SHPRH: variants seen among roughly 807,000 people sequenced by gnomAD.
SHPRH encodes the protein SNF2 histone linker PHD RING helicase.
In SHPRH, 106 loss-of-function variants were observed where a neutral mutation model predicts 202.5. The observed-to-expected ratio is 0.52, with a 90% CI of 0.45 to 0.62. The LOEUF (loss-of-function observed/expected upper bound fraction) is 0.62. SHPRH is among the 20% of genes least tolerant of loss of function. SHPRH has a pLI of 0.00. For synonymous variants in SHPRH, 729 were observed against 686.0 expected (o/e 1.06, Z -0.98); for missense variants, 1,710 against 2,020.0 (o/e 0.85, Z 2.94).
intron 11 of SHPRH, 36 bp from the exon 12 acceptor site, chr6:145,935,477 CTATTACTTCATTACTAGT>C (rs763981359): frequency 1.2e-6 from 2 of 1,600,748 alleles, no homozygotes; most frequent in Non-Finnish European, 1.7e-6. Flanking sequence ...GAGGATAACT[CTATTACTTCATTACTAGT>C]TTGCAGAAGC....
At chr6:145,940,172 T>C (rs1786594101) in intron 11 of SHPRH, among the ~76,000 whole-genome samples, 1 of 152,074 alleles carries the variant, frequency 6.6e-6, no homozygotes, top group Non-Finnish European at 1.5e-5. Context: ...ACAATCTAAA[T>C]GCTCAAGTAA....
At chr6:145,902,492 A>G (rs183429004) in intron 25 of SHPRH, among the ~76,000 whole-genome samples, 92 of 152,264 alleles carry the variant, frequency 6.0e-4, no homozygotes, top group African/African-American at 2.1e-3. Context: ...TAAATTCAGT[A>G]GACTGAAAAA....
rs1277048314 is a variant in SHPRH at position 145,932,194 on chromosome 6, A to G, written c.3112+863T>C. ...CTTCACTCTTGAATCTATGGAATAC[A>G]GTTTTAATGTTTCTCATATTTATAT... is the stretch of plus-strand genomic sequence containing the variant. On this transcript the variant is annotated intron_variant, in intron 14 of 29. Coordinates refer to ENST00000275233, the MANE Select transcript of SHPRH (RefSeq NM_001042683.3). 3.3e-5 allele frequency among the ~76,000 whole-genome samples: 5 copies of G among 152,264 alleles called. No individual in the cohort carries two copies. The East Asian group carries it at 9.7e-4, about 29-fold the overall frequency.
downstream of SHPRH, among the ~76,000 whole-genome samples, chr6:145,860,414 TA>T (rs894753208): frequency 1.3e-5 from 2 of 151,962 alleles, no homozygotes; most frequent in African/African-American, 2.4e-5. Context: ...TCTAAAAGAA[TA>T]AAGTACTTAG....
chr6:145,945,177 A>G (rs1462737452), intron 8 of SHPRH, among the ~76,000 whole-genome samples: 2 of 152,206 alleles, frequency 1.3e-5, no homozygotes, highest in African/African-American at 2.4e-5. Flanking sequence ...ATTATTCTCT[A>G]GGTTTAATGA....
Position 145,913,563 on chromosome 6 carries a change from A to G in SHPRH, c.4255-14T>C, listed in dbSNP as rs2128740670. On this transcript the variant is annotated splice_polypyrimidine_tract_variant and intron_variant, in intron 23 of 29. Coordinates refer to ENST00000275233, the MANE Select transcript of SHPRH (RefSeq NM_001042683.3). Reference sequence around the variant, plus strand: ...TTTATCTTGAGACTATCCAAAAAAGAATTAAAAAATATATTAGTTACGTTT... The same window carrying G: ...TTTATCTTGAGACTATCCAAAAAAGGATTAAAAAATATATTAGTTACGTTT... 1.3e-6 allele frequency: 2 copies of G among 1,595,980 alleles called. No homozygotes were observed. Among genetic ancestry groups the G allele is most frequent in the East Asian group, 2.2e-5 (1 of 44,478 alleles).
chr6:145,929,643 C>T (rs1382374399), intron 14 of SHPRH, among the ~76,000 whole-genome samples: 4 of 151,894 alleles, frequency 2.6e-5, no homozygotes, highest in Non-Finnish European at 5.9e-5. Flanking sequence ...GGAACATATC[C>T]TCTATTAATG....
chr6:145,920,451 T>C (rs939991748), intron 21 of SHPRH, among the ~76,000 whole-genome samples: 2 of 152,138 alleles, frequency 1.3e-5, no homozygotes, highest in African/African-American at 2.4e-5. Context: ...GTTATAAATG[T>C]ATTCCCCAAT....
intron 2 of SHPRH, among the ~76,000 whole-genome samples, chr6:145,869,064 T>C (rs536816496): frequency 3.3e-5 from 5 of 152,310 alleles, no homozygotes; most frequent in African/African-American, 1.2e-4. Flanking sequence ...TTGTCAGTGT[T>C]TTAGATTTTG....
At chr6:145,945,705 A>G in intron 7 of SHPRH, 68 bp from the exon 8 acceptor site, 1 of 1,464,550 alleles carries the variant, frequency 6.8e-7, no homozygotes, top group Non-Finnish European at 9.0e-7. Flanking sequence ...AACTTGGTTA[A>G]TCTTAATCTG....
intron 2 of SHPRH, among the ~76,000 whole-genome samples, chr6:145,873,968 G>T (rs2128693567): frequency 6.6e-6 from 1 of 152,160 alleles, no homozygotes; most frequent in East Asian, 1.9e-4. Flanking sequence ...GGAGTCTGAG[G>T]CAGGTGGATC....
intron 2 of SHPRH, 145 bp downstream of exon 2, chr6:145,954,545 T>A: frequency 1.3e-6 from 1 of 786,840 alleles, no homozygotes; most frequent in Non-Finnish European, 2.0e-6. Flanking sequence ...ATACTTTGAA[T>A]AGTTATTAAA....
At chr6:145,883,387 G>A (rs1780730353), downstream of SHPRH, 3 of 152,238 alleles carry the variant, frequency 2.0e-5, no homozygotes, top group East Asian at 5.8e-4. Flanking sequence ...GGGGAAGGCT[G>A]GAGATGGCAA....
rs755921861 is a variant in SHPRH at position 145,894,966 on chromosome 6, A to C, written c.4527T>G (p.Ser1509=). The C allele has an allele frequency of 2.5e-6, 4 of 1,612,902 alleles. No homozygotes were observed. The highest frequency in any genetic ancestry group is 3.4e-6 in the Non-Finnish European group (4 of 1,179,278). ...TTCTGACCACAGCTTCCACTTTTGTAGAATGGCTGCCCTTTGAACACACAC... is the reference window on the plus strand; with the variant it reads ...TTCTGACCACAGCTTCCACTTTTGTCGAATGGCTGCCCTTTGAACACACAC... ...EEDIPVKGSH[S]TKVEAVVRTL... Residue 1509 remains serine, a synonymous_variant, in exon 26 of 30, where the codon TCT becomes TCG. Transcript: ENST00000275233.
chr6:145,892,331 G>A (rs1781636371), intron 28 of SHPRH, among the ~76,000 whole-genome samples: 2 of 152,084 alleles, frequency 1.3e-5, no homozygotes, highest in Admixed American at 1.3e-4. Flanking sequence ...TCCTGACTCT[G>A]TAGGGCCCGA....
At chr6:145,945,799 ATC>A (rs1174331899) in intron 7 of SHPRH, 162 bp from the exon 8 acceptor site, 15 of 657,352 alleles carry the variant, frequency 2.3e-5, no homozygotes, top group Non-Finnish European at 3.5e-5. Context: ...ATAAAAATGT[ATC>A]TCAGCATATT....
At chr6:145,938,695 T>C (rs1786389978) in intron 11 of SHPRH, among the ~76,000 whole-genome samples, 1 of 152,196 alleles carries the variant, frequency 6.6e-6, no homozygotes, top group African/African-American at 2.4e-5. Context: ...AAACACCTTA[T>C]TTTATAGATA....
At chr6:145,915,719 T>C (rs1045229561) in intron 23 of SHPRH, among the ~76,000 whole-genome samples, 1 of 152,106 alleles carries the variant, frequency 6.6e-6, no homozygotes, top group Non-Finnish European at 1.5e-5. Context: ...TTTGTAAGTA[T>C]TAAATGTTTT....
At chr6:145,942,446 A>T (rs1443804520) in intron 9 of SHPRH, among the ~76,000 whole-genome samples, 2 of 152,190 alleles carry the variant, frequency 1.3e-5, no homozygotes. Flanking sequence ...GCCTACCCAC[A>T]CAGAATAGAG....
Sources: gnomAD v4.1 joint callset for allele counts (sites outside exome capture counted in the v4.1 genomes callset) on GRCh38, gnomAD v4.1.1 for gene constraint, MANE v1.5 for transcripts, NCBI Gene and HGNC (gene_info 2026-07-23, HGNC 2026-07-21) for gene names.